KLHL10: variants seen among roughly 807,000 people sequenced by gnomAD.
KLHL10 encodes kelch-like protein 10.
A neutral mutation model predicts 46.6 loss-of-function variants in KLHL10; 11 were observed. That is an observed-to-expected ratio of 0.24 (90% CI 0.15 to 0.39). KLHL10 has a LOEUF of 0.39. Among genes scored for constraint, KLHL10 ranks in the 10% least tolerant of loss-of-function variants. KLHL10 has a pLI of 1.00. For missense variants in KLHL10, 475 were observed against 789.8 expected, an observed-to-expected ratio of 0.60 and a Z score of 4.78; for synonymous variants, 254 against 279.1, an observed-to-expected ratio of 0.91 and a Z score of 0.90.
At chr17:41,836,220 G>T, upstream of KLHL10, 1 of 1,238,586 alleles carries the variant, frequency 8.1e-7, no homozygotes, top group Non-Finnish European at 1.0e-6. Context: ...TCGGCGGCTC[G>T]CGGGACAACG....
chr17:41,844,333 C>T (rs1395816194), intron 2 of KLHL10, among the ~76,000 whole-genome samples: 5 of 151,184 alleles, frequency 3.3e-5, no homozygotes, highest in Non-Finnish European at 5.9e-5. Context: ...CCAGTTCAAG[C>T]GAGTCTCCTG....
chr17:41,848,368 A>G lies in KLHL10; in HGVS notation c.*61A>G. 1 of 1,557,650 alleles carries G rather than the reference A, an allele frequency of 6.4e-7. No homozygotes were observed. The highest frequency in any genetic ancestry group is 8.7e-7 in the Non-Finnish European group (1 of 1,150,524). ...AAGAATTAATTCTTTTTTTAAAAAA[A>G]TGCAGTGTTTAAACTTTGAAGAGTA... On this transcript the variant is annotated 3_prime_UTR_variant, in exon 5 of 5. Coordinates refer to ENST00000293303, the MANE Select transcript of KLHL10 (RefSeq NM_152467.5).
upstream of KLHL10, chr17:41,836,239 G>A (rs1203969194): frequency 5.7e-6 from 7 of 1,222,406 alleles, no homozygotes; most frequent in East Asian, 3.4e-5. Flanking sequence ...CGACAGCCCC[G>A]CGACCGCACT....
rs376902362 is a variant in KLHL10, at chr17:41,845,245, C to T, written c.804C>T (p.Asp268=). The T allele has an allele frequency of 1.9e-6, 3 of 1,614,086 alleles. No individual in the cohort carries two copies. Among genetic ancestry groups the T allele is most frequent in the African/African-American group, 2.7e-5 (2 of 74,914 alleles). ...TTAATGCCCTAAAGGCCATGTATGA[C>T]CTCAACATGAATGGACCCTCTAATT... The part of the protein sequence containing the change: ...VIINALKAMY[D]LNMNGPSNSD... Residue 268 remains aspartate (D), a synonymous_variant, in exon 3 of 5, where the codon GAC becomes GAT. Transcript: ENST00000293303.
chr17:41,835,762 G>A, upstream of KLHL10: 1 of 1,222,456 alleles, frequency 8.2e-7, no homozygotes, highest in Non-Finnish European at 1.2e-6. Flanking sequence ...AGAGAGCTAG[G>A]AGGGGTCCGC....
At chr17:41,847,833 G>A in intron 4 of KLHL10, 100 bp from the exon 5 acceptor site, 3 of 1,491,704 alleles carry the variant, frequency 2.0e-6, no homozygotes, top group Non-Finnish European at 2.8e-6. Context: ...GAAGATAATG[G>A]AAGAGGGAGT....
At chr17:41,835,974 G>A, upstream of KLHL10, 1 of 1,563,300 alleles carries the variant, frequency 6.4e-7, no homozygotes, top group Non-Finnish European at 8.7e-7. Context: ...CGAGACCCGA[G>A]AGAACCACTG....
chr17:41,837,247 C>T (rs1398264240), upstream of KLHL10, among the ~76,000 whole-genome samples: 2 of 152,228 alleles, frequency 1.3e-5, no homozygotes, highest in Non-Finnish European at 2.9e-5. Context: ...TCACTACAAC[C>T]TCCATCTCCT....
intron 2 of KLHL10, 91 bp downstream of exon 2, chr17:41,842,403 T>A (rs1362386910): frequency 6.7e-7 from 1 of 1,490,662 alleles, no homozygotes; most frequent in Admixed American, 1.7e-5. Flanking sequence ...TGTATTTACA[T>A]GTCCTTAGAT....
At chr17:41,841,779 G>A (rs1477604975) in intron 1 of KLHL10, 44 bp from the exon 2 acceptor site, 2 of 1,613,484 alleles carry the variant, frequency 1.2e-6, no homozygotes, top group African/African-American at 2.7e-5. Flanking sequence ...CACCTAACAG[G>A]AGAGAAATGT....
chr17:41,847,384 A>G lies in KLHL10; in HGVS notation c.1426A>G (p.Ile476Val). 1 of 1,614,096 alleles carries G rather than the reference A, an allele frequency of 6.2e-7. No homozygotes were observed. The highest frequency in any genetic ancestry group is 1.1e-5 in the South Asian group (1 of 91,088). ...MRSRRSGIGVIAYGEHVYAVG... is the reference protein window; with the variant it reads ...MRSRRSGIGVVAYGEHVYAVG... ...AAGCAGGAGGAGTGGAATAGGCGTGATTGCTTATGGAGAACATGTATATGC... is the reference window on the plus strand; with the variant it reads ...AAGCAGGAGGAGTGGAATAGGCGTGGTTGCTTATGGAGAACATGTATATGC... Residue 476 changes from isoleucine (I) to valine (V), a missense_variant, in exon 4 of 5, where the codon ATT becomes GTT. Ile to Val is a conservative substitution (Grantham distance 29, BLOSUM62 3). Transcript: ENST00000293303.
chr17:41,843,517 A>C (rs36014793), intron 2 of KLHL10, among the ~76,000 whole-genome samples: 8 of 137,256 alleles, frequency 5.8e-5, no homozygotes, highest in South Asian at 2.2e-4. Flanking sequence ...TTAACAAAAA[A>C]AAAAAAAAAA....
chr17:41,848,136 T>C lies in KLHL10; in HGVS notation c.1656T>C (p.Asp552=), dbSNP rs1555621680. 1 of 1,614,034 alleles carries C rather than the reference T, an allele frequency of 6.2e-7. No individual in the cohort carries two copies. Among genetic ancestry groups the C allele is most frequent in the Non-Finnish European group, 8.5e-7 (1 of 1,180,042 alleles). Residue 552 remains aspartate (D), a synonymous_variant, in exon 5 of 5, where the codon GAT becomes GAC. Transcript: ENST00000293303. ...FNVECYDEKT[D]EWYDAHDMSI... Reference sequence around the variant, plus strand: ...TTGAGTGCTATGATGAAAAGACCGATGAGTGGTATGATGCTCATGACATGA... The same window carrying C: ...TTGAGTGCTATGATGAAAAGACCGACGAGTGGTATGATGCTCATGACATGA...
chr17:41,845,806 C>G (rs2048278376), intron 3 of KLHL10, 63 bp downstream of exon 3: 1 of 1,600,296 alleles, frequency 6.2e-7, no homozygotes, highest in African/African-American at 1.3e-5. Flanking sequence ...AATGATACTG[C>G]TCTTTTTTGG....
upstream of KLHL10, chr17:41,835,934 C>G (rs150436691): frequency 9.4e-6 from 15 of 1,599,464 alleles, no homozygotes; most frequent in African/African-American, 5.4e-5. Context: ...GCATCAGGAC[C>G]GTGGCCTTCA....
chr17:41,847,892 C>A (rs2048306492), intron 4 of KLHL10, 41 bp from the exon 5 acceptor site: 2 of 1,612,460 alleles, frequency 1.2e-6, no homozygotes, highest in Admixed American at 1.7e-5. Context: ...TGAACAGAAT[C>A]AATGGTTAGC....
Position 41,842,192 on chromosome 17 carries a change from T to A in KLHL10, c.564T>A (p.Asp188Glu), listed in dbSNP as rs1555620816. Residue 188 changes from aspartate to glutamate, a missense_variant, in exon 2 of 5, where the codon GAT becomes GAA. Transcript: ENST00000293303. ...AGCTCTCGGTCACTGAACTTAAGGATATCATTGAGAAAGATGAGCTCAATG... is the reference window on the plus strand; with the variant it reads ...AGCTCTCGGTCACTGAACTTAAGGAAATCATTGAGAAAGATGAGCTCAATG... ...FLELSVTELK[D>E]IIEKDELNVK... is the part of the protein sequence containing the mutation. 6.2e-7 allele frequency: 1 copy of A among 1,614,196 alleles called. No individual in the cohort carries two copies. Among genetic ancestry groups the A allele is most frequent in the East Asian group, 2.2e-5 (1 of 44,886 alleles).
chr17:41,841,007 G>A (rs2048220301), intron 1 of KLHL10, among the ~76,000 whole-genome samples: 1 of 151,940 alleles, frequency 6.6e-6, no homozygotes, highest in Non-Finnish European at 1.5e-5. Flanking sequence ...GAGCGTGGTG[G>A]CACACACCTA....
chr17:41,847,230 A>C (rs368911902), intron 3 of KLHL10, 31 bp from the exon 4 acceptor site: 6 of 1,610,154 alleles, frequency 3.7e-6, no homozygotes, highest in Non-Finnish European at 4.2e-6. Context: ...CTAGAGTGGG[A>C]ATTTTAATAA....
Sources: allele counts gnomAD v4.1 joint callset (sites outside exome capture counted in the v4.1 genomes callset), GRCh38; gene constraint gnomAD v4.1.1; transcripts MANE v1.5; gene names NCBI Gene and HGNC (gene_info 2026-07-23, HGNC 2026-07-21).